The following TMC1 variants were observed in gnomAD, a reference collection of about 807,000 sequenced individuals.
TMC1 encodes the protein transmembrane channel-like protein 1.
Under a neutral mutation model 105.8 loss-of-function variants are expected in TMC1, and 84 were observed. The ratio of observed to expected loss-of-function variants is 0.79; its 90% CI spans 0.67 to 0.95. TMC1 has a LOEUF of 0.95. TMC1 is among the 40% of genes least tolerant of loss of function. The pLI, the probability that TMC1 is intolerant of heterozygous loss-of-function variation, is 0.00. For synonymous variants in TMC1, 315 were observed against 311.5 expected, an observed-to-expected ratio of 1.01 and a Z score of -0.12; for missense variants, 817 against 914.1, an observed-to-expected ratio of 0.89 and a Z score of 1.37.
intron 1 of TMC1, among the ~76,000 whole-genome samples, chr9:72,559,831 C>A (rs1351838631): frequency 1.3e-5 from 2 of 152,114 alleles, no homozygotes; most frequent in Non-Finnish European, 2.9e-5. Context: ...GAAAGAAGGT[C>A]AACAACCATG....
intron 1 of TMC1, among the ~76,000 whole-genome samples, chr9:72,527,776 G>A (rs1307483442): frequency 6.6e-6 from 1 of 152,206 alleles, no homozygotes; most frequent in African/African-American, 2.4e-5. Flanking sequence ...ACGGTGCAAG[G>A]GGAAGGGGCT....
intron 8 of TMC1, among the ~76,000 whole-genome samples, chr9:72,715,624 G>A (rs1826904039): frequency 6.6e-6 from 1 of 151,738 alleles, no homozygotes; most frequent in South Asian, 2.1e-4. Flanking sequence ...GGTCATTTAT[G>A]TCCTCTAAAC....
At chr9:72,757,019 C>T (rs17560403) in intron 12 of TMC1, among the ~76,000 whole-genome samples, 10,091 of 152,120 alleles carry the variant, frequency 0.066, 373 homozygotes, top group African/African-American at 0.099. Context: ...TATGATTTGT[C>T]GGTCAGCAGG....
At chr9:72,800,273 T>C (rs1828447792) in intron 17 of TMC1, among the ~76,000 whole-genome samples, 1 of 152,138 alleles carries the variant, frequency 6.6e-6, no homozygotes. Context: ...GCTCCCTAAA[T>C]CTTCAGCATA....
At chr9:72,673,121 C>A (rs966528449) in intron 5 of TMC1, among the ~76,000 whole-genome samples, 8 of 151,932 alleles carry the variant, frequency 5.3e-5, no homozygotes, top group African/African-American at 1.9e-4. Flanking sequence ...GACCCAGGGT[C>A]AAATAAGAAA....
intron 13 of TMC1, among the ~76,000 whole-genome samples, chr9:72,782,133 C>T (rs1398289532): frequency 1.3e-5 from 2 of 152,156 alleles, no homozygotes; most frequent in Non-Finnish European, 2.9e-5. Flanking sequence ...AGGCTTTATT[C>T]CTGGGATGCA....
chr9:72,724,301 T>C lies in TMC1; in HGVS notation c.363-15818T>C, dbSNP rs530541976. 2.0e-5 allele frequency among the ~76,000 whole-genome samples: 3 copies of C among 152,280 alleles called. No homozygotes were observed. In the South Asian group the frequency reaches 6.2e-4, roughly 32 times the overall value. ...AAGGGTCATCCAATGGTGGAAGGCA[T>C]CACATGGTGAGCAAGGACGAGAGAC... On this transcript the variant is annotated intron_variant, in intron 8 of 23. Transcript: ENST00000297784.
intron 13 of TMC1, among the ~76,000 whole-genome samples, chr9:72,784,249 C>T (rs1308979806): frequency 2.0e-5 from 3 of 151,920 alleles, no homozygotes; most frequent in Admixed American, 6.6e-5. Flanking sequence ...CCCTAAAAAA[C>T]CATTAAAATG....
At chr9:72,723,368 A>C (rs140128841) in intron 8 of TMC1, among the ~76,000 whole-genome samples, 1 of 152,310 alleles carries the variant, frequency 6.6e-6, no homozygotes, top group East Asian at 1.9e-4. Context: ...AGAGAAATCA[A>C]TTCTTGATTG....
intron 1 of TMC1, among the ~76,000 whole-genome samples, chr9:72,555,003 T>A (rs1283804692): frequency 6.6e-6 from 1 of 151,542 alleles, no homozygotes; most frequent in Admixed American, 6.6e-5. Context: ...CTCAGTCTTC[T>A]GAGTAGCTGG....
chr9:72,785,232 A>G (rs1368227237), intron 13 of TMC1, among the ~76,000 whole-genome samples: 4 of 152,194 alleles, frequency 2.6e-5, no homozygotes, highest in African/African-American at 4.8e-5. Flanking sequence ...AGCAAATTCT[A>G]TTGCTGTCAG....
rs532236022 is a variant in TMC1, at chr9:72,657,452, G to GT, written c.16+8796dup. 4.9e-3 allele frequency among the ~76,000 whole-genome samples: 745 copies of GT among 151,958 alleles called. 8 individuals are homozygous for GT. The highest frequency in any genetic ancestry group is 0.016 in the African/African-American group (673 of 41,422). ...TGGCTGGGAGCAGAATTCCAATACTGTTTTTTTTATAATATGCTTTTACTT... is the reference window on the plus strand; with the variant it reads ...TGGCTGGGAGCAGAATTCCAATACTGTTTTTTTTTATAATATGCTTTTACTT... On this transcript the variant is annotated intron_variant, in intron 5 of 23. Coordinates refer to ENST00000297784, the MANE Select transcript of TMC1 (RefSeq NM_138691.3).
At chr9:72,555,423 G>C (rs900189480) in intron 1 of TMC1, among the ~76,000 whole-genome samples, 2 of 151,900 alleles carry the variant, frequency 1.3e-5, no homozygotes, top group African/African-American at 4.8e-5. Context: ...TCTTGACCTC[G>C]TGACCCTCCC....
chr9:72,806,957 A>C (rs529324911), intron 18 of TMC1, among the ~76,000 whole-genome samples: 10 of 152,240 alleles, frequency 6.6e-5, no homozygotes, highest in Middle Eastern at 3.4e-3. Context: ...ACGCCACTGC[A>C]CTCCAGCCTG....
chr9:72,759,340 G>A (rs745729828), intron 12 of TMC1, among the ~76,000 whole-genome samples: 6 of 152,054 alleles, frequency 3.9e-5, no homozygotes, highest in East Asian at 1.9e-4. Context: ...CAAGGAATCC[G>A]ATCTCAAAGG....
chr9:72,631,710 A>G (rs1825454265), intron 4 of TMC1, among the ~76,000 whole-genome samples: 1 of 152,244 alleles, frequency 6.6e-6, no homozygotes, highest in Non-Finnish European at 1.5e-5. Flanking sequence ...TGGTGCTTCC[A>G]AAAGCATCAG....
At chr9:72,702,868 T>C (rs1455273382) in intron 8 of TMC1, among the ~76,000 whole-genome samples, 1 of 152,086 alleles carries the variant, frequency 6.6e-6, no homozygotes, top group Non-Finnish European at 1.5e-5. Flanking sequence ...AAGCAAATTT[T>C]AGCAATGGGG....
At chr9:72,695,333 T>C (rs929066924) in intron 7 of TMC1, among the ~76,000 whole-genome samples, 4 of 152,216 alleles carry the variant, frequency 2.6e-5, no homozygotes, top group Middle Eastern at 3.2e-3. Flanking sequence ...TAGTAAACGC[T>C]GACTTTGTGT....
At chr9:72,591,325 A>G (rs951740916) in intron 2 of TMC1, among the ~76,000 whole-genome samples, 2 of 152,214 alleles carry the variant, frequency 1.3e-5, no homozygotes, top group African/African-American at 2.4e-5. Flanking sequence ...ACTTCTAAAC[A>G]ATATCAAAGC....
Sources: allele counts gnomAD v4.1 joint callset (sites outside exome capture counted in the v4.1 genomes callset), GRCh38; gene constraint gnomAD v4.1.1; transcripts MANE v1.5; gene names NCBI Gene and HGNC (gene_info 2026-07-23, HGNC 2026-07-21).